Variants in ABI2 observed in about 807,000 individuals in gnomAD.
ABI2 encodes the protein abelson interactor 2.
In ABI2, 25 loss-of-function variants were observed where a neutral mutation model predicts 59.2. That is an observed-to-expected ratio of 0.42 (90% CI 0.31 to 0.59). The LOEUF (loss-of-function observed/expected upper bound fraction) is 0.59, where lower values mean the gene tolerates loss of function less well. Among genes scored for constraint, ABI2 ranks in the 20% least tolerant of loss-of-function variants. The pLI, the probability that ABI2 is intolerant of heterozygous loss-of-function variation, is 0.14. For missense variants in ABI2, 545 were observed against 681.8 expected (o/e 0.80, Z 2.23); for synonymous variants, 213 against 235.5 (o/e 0.90, Z 0.87).
chr2:203,372,535 G>A (rs1254495913), intron 2 of ABI2, among the ~76,000 whole-genome samples: 2 of 150,998 alleles, frequency 1.3e-5, no homozygotes, highest in African/African-American at 2.4e-5. Flanking sequence ...TCTCCCAGAC[G>A]GGGCGGCTGG....
intron 2 of ABI2, among the ~76,000 whole-genome samples, chr2:203,376,604 C>T (rs1018737365): frequency 2.0e-5 from 3 of 152,214 alleles, no homozygotes; most frequent in Non-Finnish European, 4.4e-5. Flanking sequence ...TATATTTCCT[C>T]GTAACTCATT....
rs2152999794 is a variant in ABI2 at position 203,366,874 on chromosome 2, C to T, written c.118-3C>T. 1.3e-6 allele frequency: 2 copies of T among 1,518,338 alleles called. No individual in the cohort carries two copies. Among genetic ancestry groups the T allele is most frequent in the East Asian group, 2.4e-5 (1 of 41,984 alleles). 94.1% of individuals were successfully genotyped at this position (1,518,338 alleles called of 1,614,324 possible). On this transcript the variant is annotated splice_polypyrimidine_tract_variant and splice_region_variant and intron_variant, in intron 1 of 11. Coordinates refer to ENST00000261018, the MANE Select transcript of ABI2 (RefSeq NM_001375670.1). ...ATGATCACTGGTTTGTTTTTTTTCC[C>T]AGTCAGCAGATAAGCAGAGAGCCCT...
At chr2:203,352,042 C>T (rs961829398) in intron 1 of ABI2, among the ~76,000 whole-genome samples, 2 of 152,126 alleles carry the variant, frequency 1.3e-5, no homozygotes, top group African/African-American at 4.8e-5. Context: ...ACCTACTTCG[C>T]TACTAGTCGT....
chr2:203,384,587 G>A (rs1055785640), intron 4 of ABI2, among the ~76,000 whole-genome samples: 2 of 152,004 alleles, frequency 1.3e-5, no homozygotes, highest in Non-Finnish European at 2.9e-5. Context: ...TGGGATTACA[G>A]TTGTGAGCCA....
chr2:203,402,747 G>T lies in ABI2; in HGVS notation c.1192+13G>T. 1 of 1,547,276 alleles carries T rather than the reference G, an allele frequency of 6.5e-7. No individual in the cohort carries two copies. Among genetic ancestry groups the T allele is most frequent in the South Asian group, 1.3e-5 (1 of 78,670 alleles). On this transcript the variant is annotated intron_variant, in intron 9 of 11. Coordinates refer to ENST00000261018, the MANE Select transcript of ABI2 (RefSeq NM_001375670.1). ...AGCCAGAATCCAGGTTAGTTTTTTT[G>T]TTTTTTTGCATTCTATAGAATGTAT... is the stretch of plus-strand genomic sequence containing the variant.
chr2:203,427,450 A>T lies in ABI2; in HGVS notation c.*98A>T, dbSNP rs2098449578. The stretch of plus-strand genomic sequence containing the variant: ...CCACTCCAGTAAAGTAGAATGAAGG[A>T]TACAAATGATAAAAATTACACTTTT... On this transcript the variant is annotated 3_prime_UTR_variant, in exon 12 of 12. Coordinates refer to ENST00000261018, the MANE Select transcript of ABI2 (RefSeq NM_001375670.1). The T allele has an allele frequency of 9.2e-7, 1 of 1,086,924 alleles. No homozygotes were observed. Among genetic ancestry groups the T allele is most frequent in the Non-Finnish European group, 1.3e-6 (1 of 781,680 alleles). The allele number at this position is 1,086,924 out of a possible 1,614,324, so 67.3% of individuals were successfully genotyped here.
At chr2:203,385,547 T>A (rs2096466554) in intron 4 of ABI2, among the ~76,000 whole-genome samples, 1 of 152,212 alleles carries the variant, frequency 6.6e-6, no homozygotes, top group Non-Finnish European at 1.5e-5. Context: ...GCCCCATGTT[T>A]AAAAAATGGA....
intron 9 of ABI2, among the ~76,000 whole-genome samples, chr2:203,410,470 A>G (rs546744544): frequency 6.6e-6 from 1 of 152,160 alleles, no homozygotes; most frequent in East Asian, 1.9e-4. Context: ...GTGCAATTAT[A>G]TATGTTAAAC....
At chr2:203,339,960 T>A (rs1256325391) in intron 1 of ABI2, among the ~76,000 whole-genome samples, 1 of 152,250 alleles carries the variant, frequency 6.6e-6, no homozygotes, top group African/African-American at 2.4e-5. Flanking sequence ...GGATGAATAC[T>A]GTATTTGTTT....
chr2:203,328,798 G>C (rs2070349881), intron 1 of ABI2, 167 bp downstream of exon 1: 1 of 415,780 alleles, frequency 2.4e-6, no homozygotes, highest in Non-Finnish European at 4.3e-6. Context: ...GAATTCTCCG[G>C]CTGGAGAAAC....
Position 203,376,620 on chromosome 2 carries a change from T to G in ABI2, c.286-3588T>G, listed in dbSNP as rs187238195. Among the ~76,000 whole-genome samples, 577 of 152,298 alleles carry G rather than the reference T, an allele frequency of 3.8e-3. 3 individuals are homozygous for G. The highest frequency in any genetic ancestry group is 6.7e-3 in the Non-Finnish European group (459 of 68,024). On this transcript the variant is annotated intron_variant, in intron 2 of 11. Transcript: ENST00000261018. ...ATATTTCCTCGTAACTCATTATGTT[T>G]CTATTTTGCCTTCTCTCCCTGGAGG...
intron 7 of ABI2, 25 bp from the exon 8 acceptor site, chr2:203,396,760 G>A (rs2153412073): frequency 6.6e-7 from 1 of 1,504,264 alleles, no homozygotes; most frequent in Non-Finnish European, 8.8e-7. Flanking sequence ...CATTAATGCT[G>A]CCTCTTACTC....
At chr2:203,371,302 C>T (rs2095158118) in intron 2 of ABI2, among the ~76,000 whole-genome samples, 1 of 152,140 alleles carries the variant, frequency 6.6e-6, no homozygotes, top group Non-Finnish European at 1.5e-5. Flanking sequence ...GATGGGAATT[C>T]CATTGACTGT....
intron 1 of ABI2, among the ~76,000 whole-genome samples, chr2:203,359,286 A>G (rs1269171695): frequency 6.6e-6 from 1 of 152,132 alleles, no homozygotes; most frequent in African/African-American, 2.4e-5. Flanking sequence ...CTTCATTTTC[A>G]TATGAACTGA....
chr2:203,412,671 G>T (rs904425722), intron 10 of ABI2, among the ~76,000 whole-genome samples: 1 of 152,068 alleles, frequency 6.6e-6, no homozygotes, highest in Non-Finnish European at 1.5e-5. Flanking sequence ...CTTTAGCTTG[G>T]GTGTGACCCA....
chr2:203,421,929 G>A lies in ABI2; in HGVS notation c.1453+4848G>A, dbSNP rs114683067. Among the ~76,000 whole-genome samples the A allele has an allele frequency of 5.3e-3, 734 of 139,568 alleles. 9 individuals are homozygous for A. The highest frequency in any genetic ancestry group is 0.02 in the African/African-American group (708 of 35,754). 91.6% of individuals were successfully genotyped at this position (139,568 alleles called of 152,430 possible). The stretch of plus-strand genomic sequence containing the variant: ...CAGTGAGCCAAGATCACTCGCCACC[G>A]CACTCCAGCCTGGCAACAGAGTGAG... On this transcript the variant is annotated intron_variant, in intron 11 of 11. Transcript: ENST00000261018.
chr2:203,373,332 G>A (rs1322539995), intron 2 of ABI2, among the ~76,000 whole-genome samples: 3 of 152,106 alleles, frequency 2.0e-5, no homozygotes, highest in Admixed American at 1.3e-4. Context: ...GCGTGGCGGC[G>A]CGCGCCTGTA....
chr2:203,366,379 C>T (rs1393815711), intron 1 of ABI2, among the ~76,000 whole-genome samples: 1 of 151,974 alleles, frequency 6.6e-6, no homozygotes, highest in Non-Finnish European at 1.5e-5. Context: ...TTTTATTTAT[C>T]ATATTATTTA....
At chr2:203,386,411 A>C (rs1286687498) in intron 4 of ABI2, 3 of 145,902 alleles carry the variant, frequency 2.1e-5, no homozygotes, top group African/African-American at 8.2e-5. Flanking sequence ...AAGTAGCGGG[A>C]CTACAGCCAC....
Sources: allele counts gnomAD v4.1 joint callset (sites outside exome capture counted in the v4.1 genomes callset), GRCh38; gene constraint gnomAD v4.1.1; transcripts MANE v1.5; gene names NCBI Gene and HGNC (gene_info 2026-07-23, HGNC 2026-07-21).